Variants in IFT52 observed in about 807,000 individuals in gnomAD.
The protein encoded by IFT52 is intraflagellar transport protein 52 homolog.
A neutral mutation model predicts 54.4 loss-of-function variants in IFT52; 44 were observed. That is an observed-to-expected ratio of 0.81 (90% confidence interval 0.63 to 1.04). The LOEUF is 1.04. Ranked by LOEUF, IFT52 falls within the 50% of genes least tolerant of loss-of-function variation. IFT52 has a pLI of 0.00. For missense variants in IFT52, 452 were observed against 523.6 expected (o/e 0.86, Z 1.33); for synonymous variants, 181 against 185.3 (o/e 0.98, Z 0.19).
chr20:43,590,973 C>T lies in IFT52; in HGVS notation c.-88C>T, dbSNP rs968332230. On this transcript the variant is annotated 5_prime_UTR_variant, in exon 1 of 14. Transcript: ENST00000373030. ...CACGCCTCCCGGCGCACCGACGCGC[C>T]TCTCCGGTTACTAAGCGGCCTTGGA... The T allele has an allele frequency of 6.6e-6, 1 of 152,294 alleles. No individual in the cohort carries two copies. Among genetic ancestry groups the T allele is most frequent in the Non-Finnish European group, 1.5e-5 (1 of 68,066 alleles). 9.4% of individuals were successfully genotyped at this position (152,294 alleles called of 1,614,324 possible). A position where few individuals can be genotyped will look rare whatever the true frequency, so the allele number is the denominator to read the frequency against.
At chr20:43,619,641 G>C (rs1361107622) in intron 8 of IFT52, among the ~76,000 whole-genome samples, 1 of 151,950 alleles carries the variant, frequency 6.6e-6, no homozygotes, top group East Asian at 1.9e-4. Context: ...GCTCTGTAGA[G>C]GACTACTCAC....
chr20:43,619,232 A>G (rs115743131), intron 8 of IFT52, among the ~76,000 whole-genome samples: 1 of 152,186 alleles, frequency 6.6e-6, no homozygotes, highest in African/African-American at 2.4e-5. Context: ...GAGAGAGACA[A>G]ATTAGTAAAC....
rs1428457788 is a variant in IFT52, at chr20:43,606,725, A to G, written c.485+1652A>G. Reference sequence around the variant, plus strand: ...GGTCTCTGGTTTTCCTAGGCAGAGGACCCTGCAGCCTTCCGCAGTGTTTGT... The same window carrying G: ...GGTCTCTGGTTTTCCTAGGCAGAGGGCCCTGCAGCCTTCCGCAGTGTTTGT... On this transcript the variant is annotated intron_variant, in intron 6 of 13. Coordinates refer to ENST00000373030, the MANE Select transcript of IFT52 (RefSeq NM_016004.5). Among the ~76,000 whole-genome samples, 5 of 151,874 alleles carry G rather than the reference A, an allele frequency of 3.3e-5. No homozygotes were observed. The East Asian group carries it at 9.7e-4, about 29-fold the overall frequency.
chr20:43,646,485 T>C (rs909470756), intron 13 of IFT52, among the ~76,000 whole-genome samples: 1 of 151,992 alleles, frequency 6.6e-6, no homozygotes, highest in African/African-American at 2.4e-5. Context: ...CAGAGCTCTG[T>C]GTAGTGGGAG....
chr20:43,647,223 T>TG lies in IFT52; in HGVS notation c.*241dup, dbSNP rs1986272711. 1 of 528,330 alleles carries TG rather than the reference T, an allele frequency of 1.9e-6. No homozygotes were observed. The highest frequency in any genetic ancestry group is 1.9e-5 in the African/African-American group (1 of 52,456). The allele number at this position is 528,330 out of a possible 1,614,324, so 32.7% of individuals were successfully genotyped here. A position where few individuals can be genotyped will look rare whatever the true frequency, so the allele number is the denominator to read the frequency against. ...GTTGCATCTGTCTTTTTATACCCTA[T>TG]GAAACAGTCTTGATTTTTTTTTCTC... On this transcript the variant is annotated 3_prime_UTR_variant, in exon 14 of 14. Coordinates refer to ENST00000373030, the MANE Select transcript of IFT52 (RefSeq NM_016004.5).
chr20:43,629,919 A>G (rs577062835), intron 10 of IFT52, among the ~76,000 whole-genome samples: 242 of 152,350 alleles, frequency 1.6e-3, no homozygotes, highest in African/African-American at 5.2e-3. Context: ...TTGAAATCAC[A>G]CAACTAGTTT....
At chr20:43,627,118 G>T (rs1984780620) in intron 10 of IFT52, among the ~76,000 whole-genome samples, 1 of 150,920 alleles carries the variant, frequency 6.6e-6, no homozygotes, top group Non-Finnish European at 1.5e-5. Context: ...AGTGAGCCAA[G>T]AACACACCAC....
intron 10 of IFT52, among the ~76,000 whole-genome samples, chr20:43,631,996 G>A (rs6030999): frequency 4.0e-5 from 6 of 148,918 alleles, no homozygotes; most frequent in African/African-American, 1.2e-4. Context: ...CACGATCTCC[G>A]CTCACCACAA....
chr20:43,604,326 T>G, intron 5 of IFT52, 68 bp downstream of exon 5: 3 of 1,188,256 alleles, frequency 2.5e-6, no homozygotes, highest in Non-Finnish European at 3.7e-6. Context: ...CCCAGCACTT[T>G]GGGAAGCCAA....
chr20:43,642,498 AT>A lies in IFT52; in HGVS notation c.1144del (p.Tyr382MetfsTer11). Reference sequence around the variant, plus strand: ...TCTTAGGTACTGAAGAAGACCTGGAATTTTATGTCAGGAAGTGTGGTGATAT... The same window carrying A: ...TCTTAGGTACTGAAGAAGACCTGGAATTTATGTCAGGAAGTGTGGTGATAT... ...TNKCTEEDLEFYVRKCGDILG... is the reference protein window; with the variant it reads ...TNKCTEEDLEXYVRKCGDILG... On this transcript the variant is annotated frameshift_variant, in exon 13 of 14. Coordinates refer to ENST00000373030, the MANE Select transcript of IFT52 (RefSeq NM_016004.5). LOFTEE classifies it high-confidence loss of function. 1 of 1,614,148 alleles carries A rather than the reference AT, an allele frequency of 6.2e-7. No individual in the cohort carries two copies. Among genetic ancestry groups the A allele is most frequent in the Non-Finnish European group, 8.5e-7 (1 of 1,180,014 alleles).
intron 1 of IFT52, among the ~76,000 whole-genome samples, chr20:43,592,250 A>G (rs1981585044): frequency 6.6e-6 from 1 of 151,876 alleles, no homozygotes; most frequent in South Asian, 2.1e-4. Context: ...AATTGCTTGA[A>G]CTTGGGAGGC....
intron 7 of IFT52, among the ~76,000 whole-genome samples, chr20:43,614,533 T>C (rs1184482456): frequency 7.0e-6 from 1 of 142,572 alleles, no homozygotes; most frequent in East Asian, 2.0e-4. Flanking sequence ...TAAAATAACT[T>C]TTTTTTTTTT....
chr20:43,593,938 G>A (rs1304944118), intron 1 of IFT52, among the ~76,000 whole-genome samples: 1 of 152,152 alleles, frequency 6.6e-6, no homozygotes, highest in Non-Finnish European at 1.5e-5. Context: ...ACAAGGTTAG[G>A]TGAAACAGGT....
intron 3 of IFT52, among the ~76,000 whole-genome samples, chr20:43,597,945 A>G (rs1014749947): frequency 6.6e-6 from 1 of 151,226 alleles, no homozygotes; most frequent in African/African-American, 2.4e-5. Context: ...ACTTCTGGGT[A>G]TATGCCCAAA....
At chr20:43,596,670 T>C in intron 3 of IFT52, 148 bp downstream of exon 3, 1 of 632,368 alleles carries the variant, frequency 1.6e-6, no homozygotes, top group Non-Finnish European at 2.8e-6. Flanking sequence ...TTGTGATGAT[T>C]AACTGAGATA....
chr20:43,607,431 G>C (rs1486596889), intron 6 of IFT52, among the ~76,000 whole-genome samples: 1 of 150,186 alleles, frequency 6.7e-6, no homozygotes, highest in Non-Finnish European at 1.5e-5. Context: ...CTGCCGGGCG[G>C]AGGGGCTCCT....
At chr20:43,640,773 T>C (rs1398149550) in intron 12 of IFT52, among the ~76,000 whole-genome samples, 1 of 152,074 alleles carries the variant, frequency 6.6e-6, no homozygotes, top group African/African-American at 2.4e-5. Context: ...CAGTGGCTCA[T>C]GCCTATAAGC....
chr20:43,631,901 T>A (rs1985195314), intron 10 of IFT52, among the ~76,000 whole-genome samples: 1 of 151,434 alleles, frequency 6.6e-6, no homozygotes, highest in African/African-American at 2.4e-5. Context: ...GCCCCTTCCC[T>A]GTCTCTTTCT....
At chr20:43,604,023 C>G in intron 4 of IFT52, 134 bp downstream of exon 4, 4 of 916,770 alleles carry the variant, frequency 4.4e-6, no homozygotes, top group Non-Finnish European at 5.1e-6. Context: ...CCATTCTCAT[C>G]AGCAGTCTGA....
Sources: allele counts gnomAD v4.1 joint callset (sites outside exome capture counted in the v4.1 genomes callset), GRCh38; gene constraint gnomAD v4.1.1; transcripts MANE v1.5; gene names NCBI Gene and HGNC (gene_info 2026-07-23, HGNC 2026-07-21).